CORIN: variants seen among roughly 807,000 people sequenced by gnomAD.
The protein encoded by CORIN is atrial natriuretic peptide-converting enzyme.
A neutral mutation model predicts 125.3 loss-of-function variants in CORIN; 117 were observed. The observed-to-expected ratio is 0.93, with a 90% CI of 0.80 to 1.09. The LOEUF is 1.09. Among genes scored for constraint, CORIN ranks in the 50% least tolerant of loss-of-function variants. The pLI, the probability that CORIN is intolerant of heterozygous loss-of-function variation, is 0.00. For synonymous variants in CORIN, 450 were observed against 466.4 expected, an observed-to-expected ratio of 0.96 and a Z score of 0.45; for missense variants, 1,253 against 1,306.7, an observed-to-expected ratio of 0.96 and a Z score of 0.63.
At chr4:47,653,736 T>C in intron 12 of CORIN, 76 bp from the exon 13 acceptor site, 1 of 1,302,060 alleles carries the variant, frequency 7.7e-7, no homozygotes, top group South Asian at 1.2e-5. Flanking sequence ...ACATGTAGGA[T>C]GTTGTCAAGG....
intron 5 of CORIN, among the ~76,000 whole-genome samples, chr4:47,697,616 G>C (rs1020665719): frequency 1.2e-4 from 18 of 152,066 alleles, no homozygotes; most frequent in African/African-American, 4.3e-4. Flanking sequence ...CAGGAGGCGA[G>C]GCAAGAGAAT....
At chr4:47,711,412 A>G (rs1194428982) in intron 5 of CORIN, among the ~76,000 whole-genome samples, 2 of 152,204 alleles carry the variant, frequency 1.3e-5, no homozygotes, top group African/African-American at 2.4e-5. Flanking sequence ...AATGGGAGCA[A>G]GTCATTCTTC....
chr4:47,637,233 T>A lies in CORIN; in HGVS notation c.2198+4687A>T, dbSNP rs565735733. Among the ~76,000 whole-genome samples, 4 of 152,284 alleles carry A rather than the reference T, an allele frequency of 2.6e-5. No homozygotes were observed. In the East Asian group the frequency reaches 5.8e-4, roughly 22 times the overall value. Reference sequence around the variant, plus strand: ...CAAAGCATTCAAGAGGTGACTTGGGTGCTGTTAAAGGCATTCATTTTCATA... The same window carrying A: ...CAAAGCATTCAAGAGGTGACTTGGGAGCTGTTAAAGGCATTCATTTTCATA... On this transcript the variant is annotated intron_variant, in intron 16 of 21. Coordinates refer to ENST00000273857, the MANE Select transcript of CORIN (RefSeq NM_006587.4).
chr4:47,771,762 A>G (rs1271687192), intron 3 of CORIN, among the ~76,000 whole-genome samples: 1 of 152,222 alleles, frequency 6.6e-6, no homozygotes, highest in Non-Finnish European at 1.5e-5. Context: ...TCTACTTCTC[A>G]TAAGAGAAAA....
intron 10 of CORIN, among the ~76,000 whole-genome samples, chr4:47,669,693 C>T (rs180794416): frequency 1.3e-5 from 2 of 152,028 alleles, no homozygotes; most frequent in East Asian, 1.9e-4. Flanking sequence ...CTCAGCTTCC[C>T]GAGTAGCTGG....
chr4:47,776,178 C>A (rs1337658387), intron 3 of CORIN, among the ~76,000 whole-genome samples: 1 of 151,798 alleles, frequency 6.6e-6, no homozygotes, highest in African/African-American at 2.4e-5. Context: ...CCTCACCATG[C>A]CCAGCTATTT....
intron 1 of CORIN, chr4:47,837,475 A>G: frequency 7.0e-6 from 2 of 285,454 alleles, no homozygotes; most frequent in Non-Finnish European, 1.3e-5. Flanking sequence ...TGGCTCCGAC[A>G]GCTCCACCTG....
intron 5 of CORIN, among the ~76,000 whole-genome samples, chr4:47,698,389 T>A (rs1726132038): frequency 6.6e-6 from 1 of 151,768 alleles, no homozygotes; most frequent in Non-Finnish European, 1.5e-5. Flanking sequence ...AAGGAAGAGC[T>A]AGTGCAAAGT....
chr4:47,656,798 G>C (rs995111184), intron 12 of CORIN, among the ~76,000 whole-genome samples: 1 of 152,084 alleles, frequency 6.6e-6, no homozygotes, highest in African/African-American at 2.4e-5. Flanking sequence ...TCATAAAAGA[G>C]AAAGAAATAA....
intron 18 of CORIN, 22 bp downstream of exon 18, chr4:47,623,877 G>A (rs967260783): frequency 1.2e-6 from 2 of 1,611,408 alleles, no homozygotes; most frequent in Admixed American, 1.7e-5. Context: ...ATATCCCATT[G>A]CCACACCTCT....
chr4:47,777,567 G>A (rs1356698440), intron 3 of CORIN, among the ~76,000 whole-genome samples: 1 of 152,132 alleles, frequency 6.6e-6, no homozygotes, highest in African/African-American at 2.4e-5. Flanking sequence ...GGAGGTGGAG[G>A]TTGCAGTGTG....
rs554688612 is a variant in CORIN, at chr4:47,626,502, A to G, written c.2218T>C (p.Leu740=). The G allele has an allele frequency of 1.1e-5, 17 of 1,613,514 alleles. No homozygotes were observed. Among genetic ancestry groups the G allele is most frequent in the South Asian group, 5.5e-5 (5 of 91,058 alleles). The change falls in exon 17 of 22, where the codon TTG becomes CTG. Residue 740 remains leucine, a synonymous_variant. Coordinates refer to ENST00000273857, the MANE Select transcript of CORIN (RefSeq NM_006587.4). ...GGCTCTTTCTCCTGTTCCTGTATCA[A>G]TTTGGTCACAGATGGTTCTCTGATA... ...MGLGEPSVTK[L]IQEQEKEPRW...
At chr4:47,812,381 T>G (rs1732099920) in intron 1 of CORIN, among the ~76,000 whole-genome samples, 1 of 152,116 alleles carries the variant, frequency 6.6e-6, no homozygotes. Flanking sequence ...GGTTGTTGCC[T>G]GTAGTCCCAG....
intron 1 of CORIN, among the ~76,000 whole-genome samples, chr4:47,829,248 T>C (rs1732873544): frequency 1.3e-5 from 2 of 151,896 alleles, no homozygotes; most frequent in South Asian, 4.2e-4. Flanking sequence ...CTTGGATACA[T>C]TGAGTTAAGC....
intron 8 of CORIN, 80 bp downstream of exon 8, chr4:47,680,061 G>C: frequency 1.2e-6 from 1 of 853,716 alleles, no homozygotes; most frequent in Admixed American, 2.0e-5. Flanking sequence ...TGAGTCTTAA[G>C]TACAGTCCTC....
intron 16 of CORIN, among the ~76,000 whole-genome samples, chr4:47,630,747 T>C (rs1722773385): frequency 1.3e-5 from 2 of 152,240 alleles, no homozygotes; most frequent in Admixed American, 6.5e-5. Flanking sequence ...CTTGGACTCC[T>C]GAGAACAGTG....
intron 13 of CORIN, among the ~76,000 whole-genome samples, chr4:47,649,190 T>C (rs1028617352): frequency 1.3e-5 from 2 of 152,140 alleles, no homozygotes; most frequent in Non-Finnish European, 2.9e-5. Context: ...GGTGGCCCAG[T>C]CTCCCGTGAA....
intron 1 of CORIN, among the ~76,000 whole-genome samples, chr4:47,819,253 T>A (rs1388657062): frequency 2.5e-4 from 38 of 152,088 alleles, no homozygotes. Flanking sequence ...CATGAAAGCA[T>A]TCAGCAGACC....
rs1169127475 is a variant in CORIN at position 47,749,759 on chromosome 4, CA to C, written c.618-5177del. ...GTTCTATTCATTGACAAGACTCACA[CA>C]ATCATCTTTTTAAAAATACATTCCT... On this transcript the variant is annotated intron_variant, in intron 4 of 21. Coordinates refer to ENST00000273857, the MANE Select transcript of CORIN (RefSeq NM_006587.4). Among the ~76,000 whole-genome samples the C allele has an allele frequency of 2.0e-5, 3 of 152,202 alleles. No individual in the cohort carries two copies. The East Asian group carries it at 5.8e-4, about 29-fold the overall frequency.
Sources: gnomAD v4.1 joint callset for allele counts (sites outside exome capture counted in the v4.1 genomes callset) on GRCh38, gnomAD v4.1.1 for gene constraint, MANE v1.5 for transcripts, NCBI Gene and HGNC (gene_info 2026-07-23, HGNC 2026-07-21) for gene names.